IPP: variants seen among roughly 807,000 people sequenced by gnomAD.
IPP encodes the protein intracisternal A particle-promoted polypeptide, also known as actin-binding protein IPP.
A neutral mutation model predicts 64.1 loss-of-function variants in IPP; 41 were observed. The ratio of observed to expected loss-of-function variants is 0.64; its 90% CI spans 0.50 to 0.83. The LOEUF is 0.83. IPP is among the 40% of genes least tolerant of loss of function. The pLI, the probability that IPP is intolerant of heterozygous loss-of-function variation, is 0.00. For missense variants in IPP, 649 were observed against 703.0 expected, an observed-to-expected ratio of 0.92 and a Z score of 0.87; for synonymous variants, 214 against 235.2, an observed-to-expected ratio of 0.91 and a Z score of 0.83.
chr1:45,725,708 G>A (rs1271114441), intron 5 of IPP, among the ~76,000 whole-genome samples: 1 of 140,862 alleles, frequency 7.1e-6, no homozygotes, highest in Non-Finnish European at 1.6e-5. Context: ...GTGGATAGAA[G>A]TAGACATGGG....
At chr1:45,709,686 G>C (rs1164715780) in intron 8 of IPP, among the ~76,000 whole-genome samples, 46 of 133,396 alleles carry the variant, frequency 3.4e-4, no homozygotes, top group African/African-American at 1.3e-3. Context: ...AATTAGCTGG[G>C]CATGGTGGCA....
At chr1:45,738,839 CAAAAAAAAAA>C (rs752168393) in intron 3 of IPP, among the ~76,000 whole-genome samples, 1 of 7,686 alleles carries the variant, frequency 1.3e-4, no homozygotes, top group Admixed American at 1.3e-3. Context: ...GACTCCATCT[CAAAAAAAAAA>C]AAAAAAAAAA....
chr1:45,729,630 C>T lies in IPP; in HGVS notation c.864G>A (p.Lys288=), dbSNP rs1159206463. 6.2e-7 allele frequency: 1 copy of T among 1,612,250 alleles called. No individual in the cohort carries two copies. The highest frequency in any genetic ancestry group is 1.7e-5 in the Admixed American group (1 of 59,676). The part of the protein sequence containing the change: ...SKVRPRKKAR[K]YLYAVGGYTR... ...CTCTCTCACCTACTGCATACAGGTACTTTCTTGCTTTCTTCCGAGGTCGAA... is the reference window on the plus strand; with the variant it reads ...CTCTCTCACCTACTGCATACAGGTATTTTCTTGCTTTCTTCCGAGGTCGAA... Residue 288 remains lysine, a synonymous_variant, in exon 4 of 9, where the codon AAG becomes AAA. Coordinates refer to ENST00000396478, the MANE Select transcript of IPP (RefSeq NM_005897.3).
intron 5 of IPP, among the ~76,000 whole-genome samples, chr1:45,720,698 G>GT (rs1260666538): frequency 2.0e-5 from 3 of 152,100 alleles, no homozygotes. Context: ...GAACAGAAAC[G>GT]TACCTATATG....
At chr1:45,723,994 C>CTCCACGGTCTCCT (rs964672713) in intron 5 of IPP, among the ~76,000 whole-genome samples, 8 of 150,698 alleles carry the variant, frequency 5.3e-5, no homozygotes, top group African/African-American at 1.7e-4. Flanking sequence ...CTCTCCCTCT[C>CTCCACGGTCTCCT]TCCACGGTCT....
In IPP at chr1:45,745,771, A is replaced by G. The variant is rs751123506; in HGVS notation, c.292+349T>C. Among the ~76,000 whole-genome samples the G allele has an allele frequency of 7.2e-5, 11 of 151,962 alleles. 1 individual carries two copies. The highest frequency in any genetic ancestry group is 1.6e-4 in the Non-Finnish European group (11 of 68,008). ...TCCCAGCTACTCAGGAGGCTGAGGCAGGAGAATCGCTTGAACCTGGGAGGC... is the reference window on the plus strand; with the variant it reads ...TCCCAGCTACTCAGGAGGCTGAGGCGGGAGAATCGCTTGAACCTGGGAGGC... On this transcript the variant is annotated intron_variant, in intron 2 of 8. Coordinates refer to ENST00000396478, the MANE Select transcript of IPP (RefSeq NM_005897.3).
At chr1:45,740,347 C>T (rs1010051154) in intron 3 of IPP, among the ~76,000 whole-genome samples, 3 of 152,230 alleles carry the variant, frequency 2.0e-5, no homozygotes, top group African/African-American at 7.2e-5. Context: ...GTACACCTCC[C>T]AGACAGGGTG....
At chr1:45,696,655 C>T (rs1433185883), downstream of IPP, 1 of 152,184 alleles carries the variant, frequency 6.6e-6, no homozygotes, top group Non-Finnish European at 1.5e-5. Flanking sequence ...TGGTTCATGC[C>T]TGCAATCCCA....
chr1:45,746,788 AAGCACACATCACAG>A (rs754935880), intron 1 of IPP, among the ~76,000 whole-genome samples: 1 of 152,200 alleles, frequency 6.6e-6, no homozygotes, highest in Non-Finnish European at 1.5e-5. Context: ...AAAGTTAACA[AAGCACACATCACAG>A]AGCACACATC....
chr1:45,726,069 AC>A (rs1645821623), intron 5 of IPP, among the ~76,000 whole-genome samples: 2 of 148,046 alleles, frequency 1.4e-5, no homozygotes, highest in Admixed American at 1.4e-4. Flanking sequence ...TGCGAGAAAC[AC>A]CCAAGAATGA....
At chr1:45,731,870 A>G (rs1223367009) in intron 3 of IPP, among the ~76,000 whole-genome samples, 10 of 151,540 alleles carry the variant, frequency 6.6e-5, no homozygotes, top group Non-Finnish European at 1.3e-4. Context: ...CGGGAGGCAA[A>G]GGTTGCGGTG....
At chr1:45,725,259 G>A (rs1645803675) in intron 5 of IPP, among the ~76,000 whole-genome samples, 1 of 137,114 alleles carries the variant, frequency 7.3e-6, no homozygotes, top group Non-Finnish European at 1.6e-5. Flanking sequence ...GGGAGGTGAG[G>A]GGCGCCTCTG....
intron 5 of IPP, among the ~76,000 whole-genome samples, chr1:45,724,111 G>A (rs1569998477): frequency 6.7e-6 from 1 of 150,004 alleles, no homozygotes; most frequent in South Asian, 2.2e-4. Flanking sequence ...CCTGCCGAGC[G>A]CCTGCAATTG....
At chr1:45,707,513 G>A (rs1171820204) in intron 8 of IPP, among the ~76,000 whole-genome samples, 1 of 149,102 alleles carries the variant, frequency 6.7e-6, no homozygotes, top group Non-Finnish European at 1.5e-5. Flanking sequence ...GATGAGGAGA[G>A]AAACAGAAGA....
intron 1 of IPP, among the ~76,000 whole-genome samples, chr1:45,748,871 C>T (rs1173518810): frequency 6.6e-6 from 1 of 150,716 alleles, no homozygotes; most frequent in South Asian, 2.1e-4. Context: ...ACGTGGGCGG[C>T]TGAGGCAGGA....
intron 3 of IPP, among the ~76,000 whole-genome samples, chr1:45,739,455 A>C (rs1048553165): frequency 9.1e-6 from 1 of 109,884 alleles, no homozygotes; most frequent in Non-Finnish European, 1.7e-5. Context: ...GGGTTTCACC[A>C]TGTTGCCCAG....
downstream of IPP, chr1:45,697,955 C>T (rs1403139690): frequency 2.1e-5 from 3 of 142,590 alleles, no homozygotes; most frequent in Non-Finnish European, 3.0e-5. Context: ...AAGACTCCAT[C>T]TAAAAAAAAA....
At chr1:45,748,641 C>T (rs573971057) in intron 1 of IPP, among the ~76,000 whole-genome samples, 30 of 152,284 alleles carry the variant, frequency 2.0e-4, no homozygotes, top group Non-Finnish European at 1.6e-4. Context: ...CACTGCACTC[C>T]AGCCTGGACA....
intron 7 of IPP, 126 bp downstream of exon 7, chr1:45,716,769 T>A (rs1486357351): frequency 8.9e-6 from 6 of 677,948 alleles, no homozygotes. Context: ...GCAGAACTTC[T>A]ATGCTGCTAG....
Sources: allele counts gnomAD v4.1 joint callset (sites outside exome capture counted in the v4.1 genomes callset), GRCh38; gene constraint gnomAD v4.1.1; transcripts MANE v1.5; gene names NCBI Gene and HGNC (gene_info 2026-07-23, HGNC 2026-07-21).